TRPM3: variants seen among roughly 807,000 people sequenced by gnomAD.
TRPM3 encodes long transient receptor potential channel 3.
In TRPM3, 77 loss-of-function variants were observed where a neutral mutation model predicts 181.2. The observed-to-expected ratio is 0.42, with a 90% CI of 0.35 to 0.51. TRPM3 has a LOEUF of 0.51. Among genes scored for constraint, TRPM3 ranks in the 20% least tolerant of loss-of-function variants. The pLI is 0.01. For missense variants in TRPM3, 1,759 were observed against 2,196.7 expected, an observed-to-expected ratio of 0.80 and a Z score of 3.98; for synonymous variants, 745 against 796.4, an observed-to-expected ratio of 0.94 and a Z score of 1.09.
chr9:70,782,385 T>C (rs193103473), intron 7 of TRPM3, among the ~76,000 whole-genome samples: 2 of 152,236 alleles, frequency 1.3e-5, no homozygotes, highest in Admixed American at 1.3e-4. Context: ...CTAATTTTTG[T>C]ATTTTTAGTA....
At chr9:71,295,126 T>C (rs540185299) in intron 1 of TRPM3, among the ~76,000 whole-genome samples, 1 of 152,196 alleles carries the variant, frequency 6.6e-6, no homozygotes. Flanking sequence ...ACATGTGATA[T>C]ATCTCATAAT....
intron 9 of TRPM3, among the ~76,000 whole-genome samples, chr9:70,674,876 A>T (rs1219400277): frequency 1.3e-5 from 2 of 151,094 alleles, no homozygotes; most frequent in Non-Finnish European, 3.0e-5. Flanking sequence ...TATATATGAA[A>T]TTTTTAAAAA....
At chr9:70,766,618 A>G (rs2079181948) in intron 7 of TRPM3, among the ~76,000 whole-genome samples, 1 of 149,082 alleles carries the variant, frequency 6.7e-6, no homozygotes, top group African/African-American at 2.4e-5. Context: ...GCCAAAGCAA[A>G]TTACTAAATG....
intron 6 of TRPM3, among the ~76,000 whole-genome samples, chr9:70,812,413 T>A (rs1445630843): frequency 1.3e-5 from 2 of 152,186 alleles, no homozygotes; most frequent in Non-Finnish European, 2.9e-5. Context: ...CTGGGGAAAA[T>A]GCAAAGCAAT....
intron 1 of TRPM3, among the ~76,000 whole-genome samples, chr9:71,360,883 G>A (rs2092113645): frequency 6.6e-6 from 1 of 152,180 alleles, no homozygotes; most frequent in African/African-American, 2.4e-5. Flanking sequence ...AGAAGGAAGA[G>A]GATTGCCAAA....
At chr9:70,867,379 A>G (rs972157507) in intron 1 of TRPM3, among the ~76,000 whole-genome samples, 3 of 152,204 alleles carry the variant, frequency 2.0e-5, no homozygotes, top group South Asian at 2.1e-4. Flanking sequence ...TGGAAGTTTT[A>G]GTCAGATGAT....
At chr9:70,798,020 G>A (rs2087694347) in intron 6 of TRPM3, among the ~76,000 whole-genome samples, 1 of 152,122 alleles carries the variant, frequency 6.6e-6, no homozygotes, top group South Asian at 2.1e-4. Context: ...TCTCAAATTG[G>A]TCAGAACTTG....
intron 9 of TRPM3, among the ~76,000 whole-genome samples, chr9:70,653,270 CAG>C (rs1463191332): frequency 6.6e-5 from 10 of 152,006 alleles, no homozygotes; most frequent in Admixed American, 6.6e-4. Context: ...TAAGTAGTAA[CAG>C]GGGATACCAT....
intron 8 of TRPM3, among the ~76,000 whole-genome samples, chr9:70,747,760 A>G (rs2075432575): frequency 1.3e-5 from 2 of 151,962 alleles, no homozygotes; most frequent in African/African-American, 4.8e-5. Flanking sequence ...TTTACAGAAA[A>G]GTTTGCCAAC....
At position 71,416,536 on chromosome 9, in the gene TRPM3, T is replaced by C. The variant is rs560130249; in HGVS notation, c.183+30117A>G. Among the ~76,000 whole-genome samples the C allele has an allele frequency of 3.3e-5, 5 of 152,062 alleles. No individual in the cohort carries two copies. In the East Asian group the frequency reaches 7.7e-4, roughly 24 times the overall value. On this transcript the variant is annotated intron_variant, in intron 1 of 24. Coordinates refer to the TRPM3 transcript ENST00000357533. ...TGGATAATGTTTCCATCTTGTATCATTGTTGATGAAAAGGAATTATGTTTA... is the reference window on the plus strand; with the variant it reads ...TGGATAATGTTTCCATCTTGTATCACTGTTGATGAAAAGGAATTATGTTTA...
intron 1 of TRPM3, among the ~76,000 whole-genome samples, chr9:71,019,583 T>G (rs2097824451): frequency 6.6e-6 from 1 of 152,038 alleles, no homozygotes; most frequent in Non-Finnish European, 1.5e-5. Flanking sequence ...TTTAAAGACT[T>G]AAATAATTGG....
intron 1 of TRPM3, among the ~76,000 whole-genome samples, chr9:71,311,948 G>A (rs935547416): frequency 6.6e-6 from 1 of 151,962 alleles, no homozygotes; most frequent in African/African-American, 2.4e-5. Context: ...TTGCATCCTG[G>A]GCCACATGAG....
chr9:71,398,316 G>C (rs1281245827), intron 1 of TRPM3, among the ~76,000 whole-genome samples: 2 of 152,148 alleles, frequency 1.3e-5, no homozygotes, highest in African/African-American at 2.4e-5. Flanking sequence ...TATAAAATAG[G>C]ATTAATACAC....
At chr9:70,989,295 T>C (rs1159279073) in intron 1 of TRPM3, among the ~76,000 whole-genome samples, 1 of 152,094 alleles carries the variant, frequency 6.6e-6, no homozygotes, top group African/African-American at 2.4e-5. Flanking sequence ...AAGGGACAAA[T>C]GGAAATAAAA....
intron 1 of TRPM3, among the ~76,000 whole-genome samples, chr9:71,031,126 A>G (rs1052302389): frequency 2.3e-4 from 35 of 152,226 alleles, no homozygotes; most frequent in African/African-American, 7.0e-4. Flanking sequence ...AACATTTTTA[A>G]TATTATAATT....
chr9:71,079,143 A>C (rs1202178299), intron 1 of TRPM3, among the ~76,000 whole-genome samples: 1 of 152,218 alleles, frequency 6.6e-6, no homozygotes, highest in Non-Finnish European at 1.5e-5. Context: ...TTCTGTTTGC[A>C]CAATCCAAAC....
At chr9:71,105,094 A>G (rs1305243074) in intron 1 of TRPM3, among the ~76,000 whole-genome samples, 2 of 152,232 alleles carry the variant, frequency 1.3e-5, no homozygotes, top group Non-Finnish European at 2.9e-5. Flanking sequence ...ACAGGAAAAA[A>G]GATAAATCAG....
At chr9:71,409,216 C>T (rs1049254144) in intron 1 of TRPM3, among the ~76,000 whole-genome samples, 1 of 152,148 alleles carries the variant, frequency 6.6e-6, no homozygotes, top group Non-Finnish European at 1.5e-5. Context: ...AGCAAAATAA[C>T]CAGCTTACAT....
At position 71,356,824 on chromosome 9, in the gene TRPM3, T is replaced by C. The variant is rs553128664; in HGVS notation, c.183+89829A>G. ...CAGCCCCGAGCCCCAGAGAGAGAGA[T>C]CAGTGAGAGAGCAGGGACCATGACA... On this transcript the variant is annotated intron_variant, in intron 1 of 24. Transcript: ENST00000357533. Among the ~76,000 whole-genome samples, 3 of 152,206 alleles carry C rather than the reference T, an allele frequency of 2.0e-5. No individual in the cohort carries two copies. In the South Asian group the frequency reaches 6.2e-4, roughly 32 times the overall value.
Sources: allele counts gnomAD v4.1 joint callset (sites outside exome capture counted in the v4.1 genomes callset), GRCh38; gene constraint gnomAD v4.1.1; transcripts MANE v1.5; gene names NCBI Gene and HGNC (gene_info 2026-07-23, HGNC 2026-07-21).